The following CCDC13 variants were observed in gnomAD, a reference collection of about 807,000 sequenced individuals.
The protein encoded by CCDC13 is coiled-coil domain containing 13.
In CCDC13, 70 loss-of-function variants were observed where a neutral mutation model predicts 87.3. The observed-to-expected ratio is 0.80, with a 90% CI of 0.66 to 0.98. The LOEUF is 0.98. Among genes scored for constraint, CCDC13 ranks in the 50% least tolerant of loss-of-function variants. The probability of loss-of-function intolerance (pLI) is 0.00; values close to 1 mark genes in which losing one functional copy is unlikely to be tolerated. For missense variants in CCDC13, 842 were observed against 892.0 expected (o/e 0.94, Z 0.71); for synonymous variants, 317 against 360.3 (o/e 0.88, Z 1.36).
intron 14 of CCDC13, among the ~76,000 whole-genome samples, chr3:42,710,133 A>C (rs1185952890): frequency 1.4e-5 from 2 of 144,104 alleles, no homozygotes; most frequent in African/African-American, 5.2e-5. Context: ...TTTTTGAGAC[A>C]GAGTCTTGCT....
At chr3:42,751,693 G>C (rs1007878461) in intron 5 of CCDC13, among the ~76,000 whole-genome samples, 1 of 152,238 alleles carries the variant, frequency 6.6e-6, no homozygotes, top group African/African-American at 2.4e-5. Flanking sequence ...TGGAGACAGA[G>C]TTGGAGCTAC....
chr3:42,736,950 C>T (rs1448305325), intron 9 of CCDC13, among the ~76,000 whole-genome samples: 1 of 152,128 alleles, frequency 6.6e-6, no homozygotes, highest in African/African-American at 2.4e-5. Flanking sequence ...TTGTAGGGTA[C>T]ATGTGCACAA....
At chr3:42,742,017 G>A (rs1195406703) in intron 8 of CCDC13, among the ~76,000 whole-genome samples, 47 of 152,206 alleles carry the variant, frequency 3.1e-4, no homozygotes. Context: ...CCACTACGTG[G>A]GCCTGTTGTA....
Position 42,707,275 on chromosome 3 carries a change from C to T in CCDC13, c.*1705G>A, listed in dbSNP as rs1698199952. 6.6e-6 allele frequency among the ~76,000 whole-genome samples: 1 copy of T among 152,174 alleles called. No individual in the cohort carries two copies. The highest frequency in any genetic ancestry group is 1.5e-5 in the Non-Finnish European group (1 of 68,028). ...ACACTGTCCCCTCCAAGCACAGACC[C>T]TCTCTCTCCTGGCTCTCTGCCTGGC... On this transcript the variant is annotated 3_prime_UTR_variant, in exon 16 of 16. Transcript: ENST00000310232.
Position 42,730,524 on chromosome 3 carries a change from T to C in CCDC13, c.1661A>G (p.Gln554Arg), listed in dbSNP as rs1698799864. ...AQVSEIKALW[Q>R]AAEVERDRLT... ...CCGGTCACGCTCCACCTCGGCAGCC[T>C]GCCAGAGGGCCTTGATCTCTGACAC... The change falls in exon 13 of 16, where the codon CAG (glutamine) becomes CGG (arginine). Residue 554 changes from glutamine (Q) to arginine (R), a missense_variant. By Grantham distance (43) the Gln-to-Arg change is conservative (BLOSUM62 1). Coordinates refer to ENST00000310232, the MANE Select transcript of CCDC13 (RefSeq NM_144719.4). 6.2e-7 allele frequency: 1 copy of C among 1,614,074 alleles called. No individual in the cohort carries two copies. The highest frequency in any genetic ancestry group is 1.1e-5 in the South Asian group (1 of 91,082).
At chr3:42,729,281 T>C (rs1575286567) in intron 13 of CCDC13, among the ~76,000 whole-genome samples, 1 of 152,354 alleles carries the variant, frequency 6.6e-6, no homozygotes, top group East Asian at 1.9e-4. Context: ...AGACTTGTAC[T>C]ATCCATTACA....
downstream of CCDC13, chr3:42,704,118 TACATGGATTA>T (rs1251576815): frequency 1.3e-5 from 2 of 152,130 alleles, no homozygotes. Flanking sequence ...AGCCAGGATG[TACATGGATTA>T]ACTTTTTAAT....
intron 9 of CCDC13, among the ~76,000 whole-genome samples, chr3:42,737,704 G>C (rs1189602627): frequency 6.6e-6 from 1 of 152,202 alleles, no homozygotes; most frequent in Admixed American, 6.5e-5. Flanking sequence ...TGGCTGCACA[G>C]ATGTCTTCTT....
chr3:42,752,895 A>G (rs977610641), intron 3 of CCDC13, among the ~76,000 whole-genome samples, 178 bp from the exon 4 acceptor site: 8 of 152,204 alleles, frequency 5.3e-5, no homozygotes, highest in African/African-American at 1.9e-4. Flanking sequence ...CCCAACTCCA[A>G]TGAGTGGAAA....
At chr3:42,739,383 G>T (rs571768010) in intron 9 of CCDC13, among the ~76,000 whole-genome samples, 2 of 152,288 alleles carry the variant, frequency 1.3e-5, no homozygotes, top group South Asian at 4.1e-4. Flanking sequence ...CTCTTTTGGG[G>T]TCCATAGGCC....
chr3:42,742,760 G>T, intron 8 of CCDC13, 136 bp downstream of exon 8: 1 of 1,064,104 alleles, frequency 9.4e-7, no homozygotes, highest in Non-Finnish European at 1.4e-6. Context: ...ATGCAGAGGT[G>T]ACCCAGGTCC....
Position 42,706,259 on chromosome 3 carries a change from C to T in CCDC13, c.*2721G>A, listed in dbSNP as rs1015843893. ...AGCTGATCTGAGAGTTCCTGGAGGC[C>T]AGGGACTGTGTTTGCCTCACCTCGG... On this transcript the variant is annotated 3_prime_UTR_variant, in exon 16 of 16. Coordinates refer to ENST00000310232, the MANE Select transcript of CCDC13 (RefSeq NM_144719.4). 1 of 152,262 alleles carries T rather than the reference C, an allele frequency of 6.6e-6. No individual in the cohort carries two copies. Among genetic ancestry groups the T allele is most frequent in the African/African-American group, 2.4e-5 (1 of 41,460 alleles). 9.4% of individuals were successfully genotyped at this position (152,262 alleles called of 1,614,324 possible).
In CCDC13 at chr3:42,735,734, C is replaced by G; in HGVS notation, c.1344G>C (p.Glu448Asp). 6.2e-7 allele frequency: 1 copy of G among 1,614,234 alleles called. No homozygotes were observed. The highest frequency in any genetic ancestry group is 8.5e-7 in the Non-Finnish European group (1 of 1,180,044). ...AEREAKVRQL[E>D]MEIGQLNVHY... ...GCACATTGAGTTGTCCGATCTCCAT[C>G]TCCAGCTGTCGCACTTTGGCCTCCC... Residue 448 changes from glutamate to aspartate, a missense_variant, in exon 10 of 16, where the codon GAG (glutamate) becomes GAC (aspartate). Transcript: ENST00000310232.
chr3:42,763,937 A>G (rs1699883842), intron 1 of CCDC13, among the ~76,000 whole-genome samples: 1 of 152,236 alleles, frequency 6.6e-6, no homozygotes, highest in African/African-American at 2.4e-5. Context: ...GACCTGAGAC[A>G]TCAATCAAAT....
At chr3:42,744,613 G>A (rs1165397117) in intron 7 of CCDC13, among the ~76,000 whole-genome samples, 1 of 151,920 alleles carries the variant, frequency 6.6e-6, no homozygotes, top group Non-Finnish European at 1.5e-5. Context: ...AGACCATCCT[G>A]GCTAACACAG....
chr3:42,740,094 G>A (rs1699165944), intron 8 of CCDC13, among the ~76,000 whole-genome samples: 1 of 152,186 alleles, frequency 6.6e-6, no homozygotes, highest in Non-Finnish European at 1.5e-5. Context: ...GCACATGAGA[G>A]GAAAGCCGCC....
intron 9 of CCDC13, among the ~76,000 whole-genome samples, chr3:42,736,730 G>C (rs1699032601): frequency 6.6e-6 from 1 of 152,006 alleles, no homozygotes; most frequent in South Asian, 2.1e-4. Flanking sequence ...AACTAAGGTA[G>C]GTGCCTGAGC....
chr3:42,751,895 G>T (rs771688604), intron 5 of CCDC13, 41 bp downstream of exon 5: 2 of 1,573,572 alleles, frequency 1.3e-6, no homozygotes. Flanking sequence ...CCAGGCCCAT[G>T]GCTGCCTCAC....
intron 7 of CCDC13, chr3:42,745,223 G>C (rs1240476115): frequency 6.6e-6 from 1 of 152,188 alleles, no homozygotes; most frequent in Non-Finnish European, 1.5e-5. Flanking sequence ...AGTTTGAAGG[G>C]ACAAAGGGAA....
Sources: gnomAD v4.1 joint callset for allele counts (sites outside exome capture counted in the v4.1 genomes callset) on GRCh38, gnomAD v4.1.1 for gene constraint, MANE v1.5 for transcripts, NCBI Gene and HGNC (gene_info 2026-07-23, HGNC 2026-07-21) for gene names.